SORCS2: variants seen among roughly 807,000 people sequenced by gnomAD.
SORCS2 encodes sortilin related VPS10 domain containing receptor 2.
SORCS2 carries 100 observed loss-of-function variants against 141.6 expected under a neutral mutation model. The ratio of observed to expected loss-of-function variants is 0.71; its 90% CI spans 0.60 to 0.83. The LOEUF (loss-of-function observed/expected upper bound fraction) is 0.83. SORCS2 is among the 40% of genes least tolerant of loss of function. The probability of loss-of-function intolerance (pLI) is 0.00; values close to 1 mark genes in which losing one functional copy is unlikely to be tolerated. For synonymous variants in SORCS2, 789 were observed against 676.9 expected (o/e 1.17, Z -2.57); for missense variants, 1,646 against 1,560.2 (o/e 1.05, Z -0.93).
intron 1 of SORCS2, among the ~76,000 whole-genome samples, chr4:7,385,821 C>T (rs913770948): frequency 2.0e-5 from 3 of 152,302 alleles, no homozygotes; most frequent in Middle Eastern, 3.4e-3. Flanking sequence ...CCACCTGCCT[C>T]GATTGGGACC....
intron 3 of SORCS2, among the ~76,000 whole-genome samples, chr4:7,585,042 T>C (rs1181404989): frequency 6.6e-6 from 1 of 152,150 alleles, no homozygotes; most frequent in Non-Finnish European, 1.5e-5. Context: ...AGAGCAGCCG[T>C]TCTGTCTGAC....
chr4:7,231,378 G>C (rs1257453356), intron 1 of SORCS2, among the ~76,000 whole-genome samples: 1 of 152,208 alleles, frequency 6.6e-6, no homozygotes, highest in Admixed American at 6.5e-5. Context: ...ATACACCCCT[G>C]CAGAAATACC....
intron 1 of SORCS2, among the ~76,000 whole-genome samples, chr4:7,335,903 C>T (rs1027882916): frequency 2.6e-5 from 4 of 152,304 alleles, no homozygotes; most frequent in East Asian, 1.9e-4. Context: ...CAGGGCCTAC[C>T]GGTGACCTGA....
intron 1 of SORCS2, among the ~76,000 whole-genome samples, chr4:7,288,372 C>G (rs1462893061): frequency 1.3e-5 from 2 of 151,950 alleles, no homozygotes; most frequent in East Asian, 3.9e-4. Context: ...GAGTGAGGGG[C>G]TCTGTATTTG....
intron 23 of SORCS2, among the ~76,000 whole-genome samples, chr4:7,730,919 T>C (rs1290526209): frequency 1.3e-5 from 2 of 152,278 alleles, no homozygotes; most frequent in Non-Finnish European, 2.9e-5. Context: ...TCACATAGCC[T>C]GCACTGGTCA....
At chr4:7,526,309 C>A (rs1733693425) in intron 2 of SORCS2, among the ~76,000 whole-genome samples, 1 of 152,204 alleles carries the variant, frequency 6.6e-6, no homozygotes, top group African/African-American at 2.4e-5. Flanking sequence ...CCATTGGGGT[C>A]TTTCTAAATG....
At chr4:7,264,146 A>G (rs1299541813) in intron 1 of SORCS2, among the ~76,000 whole-genome samples, 1 of 152,122 alleles carries the variant, frequency 6.6e-6, no homozygotes, top group African/African-American at 2.4e-5. Flanking sequence ...AGACTGCGGG[A>G]CTCAGAGGTG....
rs1560450083 is a variant in SORCS2 at position 7,196,726 on chromosome 4, G to C, written c.480+3600G>C. Among the ~76,000 whole-genome samples the C allele has an allele frequency of 2.0e-5, 3 of 151,414 alleles. No individual in the cohort carries two copies. The South Asian group carries it at 6.3e-4, about 32-fold the overall frequency. On this transcript the variant is annotated intron_variant, in intron 1 of 26. Coordinates refer to ENST00000507866, the MANE Select transcript of SORCS2 (RefSeq NM_020777.3). ...GTGGTATCCAAGGCAGTTGAATGCA[G>C]AGGTGATTCTGAGCAGACTACCCAC...
At chr4:7,544,039 CCCAT>C (rs1713046862) in intron 3 of SORCS2, among the ~76,000 whole-genome samples, 1 of 134,072 alleles carries the variant, frequency 7.5e-6, no homozygotes, top group Non-Finnish European at 1.6e-5. Flanking sequence ...CAGCCACCCA[CCCAT>C]CCATCCAGCC....
chr4:7,520,016 G>T (rs918204079), intron 2 of SORCS2, among the ~76,000 whole-genome samples: 51 of 152,348 alleles, frequency 3.3e-4, no homozygotes, highest in African/African-American at 1.2e-3. Flanking sequence ...CTTCAGTGCT[G>T]GCCCCTGAGG....
At chr4:7,300,647 G>C (rs1160141130) in intron 1 of SORCS2, among the ~76,000 whole-genome samples, 1 of 152,244 alleles carries the variant, frequency 6.6e-6, no homozygotes, top group East Asian at 1.9e-4. Flanking sequence ...GGGGCAGAGA[G>C]TGGAGAAAGA....
At chr4:7,492,106 C>T (rs1731352051) in intron 2 of SORCS2, among the ~76,000 whole-genome samples, 1 of 152,224 alleles carries the variant, frequency 6.6e-6, no homozygotes, top group African/African-American at 2.4e-5. Flanking sequence ...AATTAGGTCC[C>T]TCTCAAGAGA....
chr4:7,387,860 G>C (rs1374354882), intron 1 of SORCS2, among the ~76,000 whole-genome samples: 1 of 98,600 alleles, frequency 1.0e-5, no homozygotes, highest in Non-Finnish European at 2.5e-5. Context: ...ACACATACAG[G>C]TACACAGAGA....
chr4:7,427,180 T>C (rs1726502549), intron 2 of SORCS2, among the ~76,000 whole-genome samples: 1 of 151,768 alleles, frequency 6.6e-6, no homozygotes, highest in Non-Finnish European at 1.5e-5. Flanking sequence ...ATATCCATTG[T>C]GGGCACATGG....
intron 1 of SORCS2, among the ~76,000 whole-genome samples, chr4:7,394,634 G>A (rs1724088597): frequency 1.3e-5 from 2 of 152,290 alleles, no homozygotes; most frequent in South Asian, 4.2e-4. Flanking sequence ...GAGGGAGGGG[G>A]AGGAGGAAGC....
At chr4:7,383,254 TGAGGGGTAGGCCTTTA>T in intron 1 of SORCS2, among the ~76,000 whole-genome samples, 1 of 152,160 alleles carries the variant, frequency 6.6e-6, no homozygotes, top group Non-Finnish European at 1.5e-5. Flanking sequence ...CTGACAATTC[TGAGGGGTAGGCCTTTA>T]GAGGTCCACA....
chr4:7,217,298 C>G (rs1159123421), intron 1 of SORCS2, among the ~76,000 whole-genome samples: 1 of 152,200 alleles, frequency 6.6e-6, no homozygotes, highest in Non-Finnish European at 1.5e-5. Context: ...TTGCTGGTGC[C>G]CTGGCCCTCA....
At chr4:7,583,014 TTGAAA>T (rs1716263498) in intron 3 of SORCS2, among the ~76,000 whole-genome samples, 1 of 115,150 alleles carries the variant, frequency 8.7e-6, no homozygotes, top group African/African-American at 2.8e-5. Context: ...TTCACATTTG[TTGAAA>T]TGAAGAAAAT....
intron 1 of SORCS2, among the ~76,000 whole-genome samples, chr4:7,306,194 C>G (rs1455206534): frequency 2.0e-5 from 3 of 152,190 alleles, no homozygotes; most frequent in Non-Finnish European, 4.4e-5. Flanking sequence ...GCGGTGGGCA[C>G]TGGGGGCACA....
Sources: allele counts gnomAD v4.1 joint callset (sites outside exome capture counted in the v4.1 genomes callset), GRCh38; gene constraint gnomAD v4.1.1; transcripts MANE v1.5; gene names NCBI Gene and HGNC (gene_info 2026-07-23, HGNC 2026-07-21).